SGIP1: variants seen among roughly 807,000 people sequenced by gnomAD.
The protein encoded by SGIP1 is SH3GL interacting endocytic adaptor 1, also known as SH3-containing GRB2-like protein 3-interacting protein 1.
A neutral mutation model predicts 107.5 loss-of-function variants in SGIP1; 38 were observed. That is an observed-to-expected ratio of 0.35 (90% CI 0.27 to 0.46). The LOEUF is 0.46. Among genes scored for constraint, SGIP1 ranks in the 20% least tolerant of loss-of-function variants. The pLI, the probability that SGIP1 is intolerant of heterozygous loss-of-function variation, is 1.00. For synonymous variants in SGIP1, 365 were observed against 366.1 expected, an observed-to-expected ratio of 1.00 and a Z score of 0.03; for missense variants, 929 against 1,019.5, an observed-to-expected ratio of 0.91 and a Z score of 1.21.
intron 18 of SGIP1, among the ~76,000 whole-genome samples, chr1:66,708,244 C>T (rs2092663230): frequency 6.6e-6 from 1 of 152,150 alleles, no homozygotes; most frequent in African/African-American, 2.4e-5. Flanking sequence ...GATTAGAAGA[C>T]ATGAGGCATG....
chr1:66,702,875 CTGAG>C (rs1370398954), intron 18 of SGIP1, among the ~76,000 whole-genome samples: 1 of 152,138 alleles, frequency 6.6e-6, no homozygotes, highest in Non-Finnish European at 1.5e-5. Context: ...GAATGGAACC[CTGAG>C]TGTCAGCTGC....
At chr1:66,720,978 C>A (rs1572235322) in intron 19 of SGIP1, among the ~76,000 whole-genome samples, 1 of 152,092 alleles carries the variant, frequency 6.6e-6, no homozygotes, top group East Asian at 1.9e-4. Context: ...ATTAGTAACT[C>A]CACCTTTAAG....
chr1:66,735,132 C>T (rs1007226510), intron 21 of SGIP1, among the ~76,000 whole-genome samples: 1 of 152,016 alleles, frequency 6.6e-6, no homozygotes, highest in African/African-American at 2.4e-5. Flanking sequence ...ACCACCACTA[C>T]CTCAGCCTCT....
At chr1:66,588,638 C>CTTTTT (rs35096597) in intron 1 of SGIP1, among the ~76,000 whole-genome samples, 5 of 98,664 alleles carry the variant, frequency 5.1e-5, no homozygotes, top group African/African-American at 7.3e-5. Context: ...CTAGTTAGTT[C>CTTTTT]TTTTTTTTTT....
intron 1 of SGIP1, among the ~76,000 whole-genome samples, chr1:66,535,622 C>A (rs572445263): frequency 1.3e-5 from 2 of 152,080 alleles, no homozygotes; most frequent in Non-Finnish European, 2.9e-5. Context: ...TAGAAGATAG[C>A]CTTAAAAGAG....
chr1:66,708,062 G>A (rs1173111633), intron 18 of SGIP1, among the ~76,000 whole-genome samples: 2 of 152,112 alleles, frequency 1.3e-5, no homozygotes, highest in African/African-American at 2.4e-5. Flanking sequence ...AACTTCCTAG[G>A]ATGTAGGGGC....
chr1:66,735,922 T>G (rs1376677686), intron 21 of SGIP1, among the ~76,000 whole-genome samples: 1 of 151,776 alleles, frequency 6.6e-6, no homozygotes, highest in Non-Finnish European at 1.5e-5. Context: ...TTTTAATGCA[T>G]TATAATTTTT....
At chr1:66,686,741 C>T (rs1431050416) in intron 15 of SGIP1, among the ~76,000 whole-genome samples, 1 of 152,182 alleles carries the variant, frequency 6.6e-6, no homozygotes, top group Non-Finnish European at 1.5e-5. Flanking sequence ...AAATCAATTA[C>T]TTCAAATCAG....
chr1:66,626,957 T>C (rs1013616672), intron 2 of SGIP1, among the ~76,000 whole-genome samples: 3 of 152,234 alleles, frequency 2.0e-5, no homozygotes, highest in Non-Finnish European at 4.4e-5. Flanking sequence ...GCGTAAATTT[T>C]GTCACAAGAT....
chr1:66,598,090 A>T (rs2065071309), intron 1 of SGIP1, among the ~76,000 whole-genome samples: 2 of 152,180 alleles, frequency 1.3e-5, no homozygotes, highest in Non-Finnish European at 2.9e-5. Flanking sequence ...CCAACAATTA[A>T]AGTAGCAACC....
rs774263516 is a variant in SGIP1 at position 66,615,661 on chromosome 1, A to C, written c.11-10186A>C. Reference sequence around the variant, plus strand: ...GGTTTTTTAAACCTCATTTGGTTTGATGAATTACAATTCAATTGAATTTTT... The same window carrying C: ...GGTTTTTTAAACCTCATTTGGTTTGCTGAATTACAATTCAATTGAATTTTT... On this transcript the variant is annotated intron_variant, in intron 1 of 24. Coordinates refer to ENST00000371037, the MANE Select transcript of SGIP1 (RefSeq NM_032291.4). Among the ~76,000 whole-genome samples the C allele has an allele frequency of 9.7e-4, 147 of 152,154 alleles. 1 individual carries two copies. Among genetic ancestry groups the C allele is most frequent in the Non-Finnish European group, 1.1e-3 (76 of 68,030 alleles).
chr1:66,709,895 T>C (rs1036542817), intron 18 of SGIP1, among the ~76,000 whole-genome samples: 7 of 152,060 alleles, frequency 4.6e-5, no homozygotes, highest in African/African-American at 1.7e-4. Flanking sequence ...GATTAGGTGA[T>C]AGTATAAGAC....
intron 1 of SGIP1, among the ~76,000 whole-genome samples, chr1:66,544,522 A>G (rs1368363638): frequency 6.6e-6 from 1 of 152,130 alleles, no homozygotes; most frequent in East Asian, 1.9e-4. Context: ...CCCTGCCTCT[A>G]CTAAAATTAC....
intron 7 of SGIP1, among the ~76,000 whole-genome samples, chr1:66,650,976 TA>T (rs1169941272): frequency 1.2e-4 from 19 of 152,204 alleles, no homozygotes; most frequent in African/African-American, 4.6e-4. Flanking sequence ...GCAAATTGCT[TA>T]ACTCTTTAAG....
At chr1:66,686,646 C>T (rs2088370002) in intron 15 of SGIP1, among the ~76,000 whole-genome samples, 1 of 152,146 alleles carries the variant, frequency 6.6e-6, no homozygotes, top group Admixed American at 6.5e-5. Flanking sequence ...CCCTGCTAAG[C>T]CTCAGGGTTT....
At chr1:66,721,185 T>C (rs192990994) in intron 19 of SGIP1, among the ~76,000 whole-genome samples, 76 of 152,314 alleles carry the variant, frequency 5.0e-4, no homozygotes, top group Admixed American at 1.5e-3. Context: ...CTACCTCCTA[T>C]AGAGCATACG....
intron 9 of SGIP1, among the ~76,000 whole-genome samples, chr1:66,669,300 G>T (rs1313602937): frequency 6.6e-6 from 1 of 152,184 alleles, no homozygotes; most frequent in Admixed American, 6.5e-5. Context: ...TACAAAAGGA[G>T]CTCTGTAGCT....
At chr1:66,537,502 C>G (rs1446910066) in intron 1 of SGIP1, among the ~76,000 whole-genome samples, 1 of 152,104 alleles carries the variant, frequency 6.6e-6, no homozygotes, top group Non-Finnish European at 1.5e-5. Context: ...CTTGGGCTAT[C>G]TGTCTATTTG....
intron 21 of SGIP1, among the ~76,000 whole-genome samples, chr1:66,734,764 C>A (rs1057190829): frequency 1.3e-4 from 20 of 152,100 alleles, no homozygotes; most frequent in Non-Finnish European, 2.8e-4. Flanking sequence ...CATCAGCCTC[C>A]TAAAGTGCTG....
Sources: allele counts gnomAD v4.1 joint callset (sites outside exome capture counted in the v4.1 genomes callset), GRCh38; gene constraint gnomAD v4.1.1; transcripts MANE v1.5; gene names NCBI Gene and HGNC (gene_info 2026-07-23, HGNC 2026-07-21).